The following GPC6 variants were observed in gnomAD, a reference collection of about 807,000 sequenced individuals.
The protein encoded by GPC6 is glypican-6.
In GPC6, 14 loss-of-function variants were observed where a neutral mutation model predicts 55.2. The observed-to-expected ratio is 0.25, with a 90% CI of 0.17 to 0.40. The LOEUF (loss-of-function observed/expected upper bound fraction) is 0.40, where lower values mean the gene tolerates loss of function less well. Ranked by LOEUF, GPC6 falls within the 10% of genes least tolerant of loss-of-function variation. GPC6 has a pLI of 1.00. For missense variants in GPC6, 641 were observed against 708.5 expected (o/e 0.90, Z 1.08); for synonymous variants, 278 against 259.6 (o/e 1.07, Z -0.68).
In GPC6 at chr13:94,045,283, T is replaced by A. The variant is rs8002707; in HGVS notation, c.877+17389T>A. On this transcript the variant is annotated intron_variant, in intron 4 of 8. Transcript: ENST00000377047. ...GATAGACCATAAAAAGCAAGTAGGA[T>A]ATTGAAAATAAATATTTTGGGAGCT... 9.8e-3 allele frequency among the ~76,000 whole-genome samples: 1,490 copies of A among 152,004 alleles called. 28 individuals carry two copies. Among genetic ancestry groups the A allele is most frequent in the African/African-American group, 0.033 (1,388 of 41,518 alleles).
At chr13:93,692,445 A>G (rs1257915518) in intron 2 of GPC6, among the ~76,000 whole-genome samples, 1 of 152,118 alleles carries the variant, frequency 6.6e-6, no homozygotes, top group Non-Finnish European at 1.5e-5. Context: ...TACATTGACA[A>G]TGAAATGGAA....
intron 3 of GPC6, among the ~76,000 whole-genome samples, chr13:93,831,615 G>GT (rs1887500148): frequency 6.6e-6 from 1 of 151,010 alleles, no homozygotes; most frequent in Admixed American, 6.6e-5. Flanking sequence ...TAAAGATGGT[G>GT]TGTACCCTTA....
chr13:93,458,410 G>A (rs1352178890), intron 1 of GPC6, among the ~76,000 whole-genome samples: 1 of 151,828 alleles, frequency 6.6e-6, no homozygotes, highest in Non-Finnish European at 1.5e-5. Context: ...TACCTTCCCT[G>A]CACTTTATGA....
chr13:93,988,238 A>C (rs751296846), intron 3 of GPC6, among the ~76,000 whole-genome samples: 1 of 152,032 alleles, frequency 6.6e-6, no homozygotes. Context: ...TTACATTTGG[A>C]AAGTTTTGGG....
chr13:94,211,862 A>G (rs1481121830), intron 4 of GPC6, among the ~76,000 whole-genome samples: 1 of 152,226 alleles, frequency 6.6e-6, no homozygotes, highest in African/African-American at 2.4e-5. Context: ...CCAATATGGC[A>G]CATAATTCTG....
chr13:93,855,054 T>A (rs1227913530), intron 3 of GPC6, among the ~76,000 whole-genome samples: 2 of 151,630 alleles, frequency 1.3e-5, no homozygotes, highest in Non-Finnish European at 3.0e-5. Flanking sequence ...GGACCATAGT[T>A]TACATTAGGT....
intron 2 of GPC6, among the ~76,000 whole-genome samples, chr13:93,732,575 C>T (rs1883865336): frequency 6.6e-6 from 1 of 152,120 alleles, no homozygotes; most frequent in Non-Finnish European, 1.5e-5. Flanking sequence ...CAGCAAGCAG[C>T]AGAGTATCTT....
intron 3 of GPC6, among the ~76,000 whole-genome samples, chr13:93,852,504 C>A (rs190740293): frequency 2.0e-5 from 3 of 151,774 alleles, no homozygotes; most frequent in African/African-American, 7.2e-5. Context: ...CAGGACTTAG[C>A]AATTTGTGGT....
chr13:93,224,496 G>C (rs1330905994), upstream of GPC6, among the ~76,000 whole-genome samples: 1 of 152,136 alleles, frequency 6.6e-6, no homozygotes, highest in Admixed American at 6.5e-5. Flanking sequence ...GCCTGGCCTC[G>C]TTTGCTTCCT....
At chr13:94,070,889 C>G (rs1370594671) in intron 4 of GPC6, among the ~76,000 whole-genome samples, 1 of 152,182 alleles carries the variant, frequency 6.6e-6, no homozygotes, top group East Asian at 1.9e-4. Context: ...CATCACTGAG[C>G]AATTATACCA....
chr13:93,969,290 C>T (rs1880183530), intron 3 of GPC6, among the ~76,000 whole-genome samples: 2 of 152,126 alleles, frequency 1.3e-5, no homozygotes, highest in Admixed American at 1.3e-4. Flanking sequence ...TGTGATGGGG[C>T]TTTAGAAAAA....
intron 2 of GPC6, among the ~76,000 whole-genome samples, chr13:93,710,811 T>G (rs2138808190): frequency 6.6e-6 from 1 of 151,864 alleles, no homozygotes; most frequent in South Asian, 2.1e-4. Context: ...AAAATTAAAC[T>G]AGCCTATTTT....
intron 1 of GPC6, among the ~76,000 whole-genome samples, chr13:93,339,842 TA>T (rs1464664520): frequency 6.6e-6 from 1 of 152,086 alleles, no homozygotes; most frequent in Non-Finnish European, 1.5e-5. Context: ...GTTGGGAGTT[TA>T]AGAAAATTAC....
intron 4 of GPC6, among the ~76,000 whole-genome samples, chr13:94,076,047 A>G (rs1884901486): frequency 6.6e-6 from 1 of 151,910 alleles, no homozygotes; most frequent in Non-Finnish European, 1.5e-5. Flanking sequence ...ACTGCTTTTC[A>G]TAGTAGCTGT....
intron 2 of GPC6, among the ~76,000 whole-genome samples, chr13:93,762,390 G>C (rs1884983053): frequency 1.3e-5 from 2 of 152,090 alleles, no homozygotes; most frequent in South Asian, 2.1e-4. Flanking sequence ...ATTCTCTCAG[G>C]AATCCCTCGG....
chr13:94,108,889 T>A (rs971150706), intron 4 of GPC6, among the ~76,000 whole-genome samples: 9 of 152,038 alleles, frequency 5.9e-5, no homozygotes, highest in African/African-American at 2.2e-4. Context: ...TTTAAAAGAT[T>A]CATATTTTTC....
intron 4 of GPC6, among the ~76,000 whole-genome samples, chr13:94,256,023 A>C (rs965849878): frequency 1.3e-5 from 2 of 152,152 alleles, no homozygotes; most frequent in African/African-American, 4.8e-5. Context: ...TGATATATGC[A>C]TATAAAAGGT....
At chr13:93,486,058 G>GCAAGAAAATTGTTGCATGAATGTGAC (rs1445987364) in intron 1 of GPC6, among the ~76,000 whole-genome samples, 7 of 152,162 alleles carry the variant, frequency 4.6e-5, no homozygotes, top group African/African-American at 1.7e-4. Flanking sequence ...AATAAGCCAA[G>GCAAGAAAATTGTTGCATGAATGTGAC]CAAGAAAATT....
chr13:94,164,430 G>A (rs539587784), intron 4 of GPC6, among the ~76,000 whole-genome samples: 1 of 152,262 alleles, frequency 6.6e-6, no homozygotes, highest in African/African-American at 2.4e-5. Context: ...TAATTGAAAG[G>A]TATTGTTATT....
Sources: gnomAD v4.1 joint callset for allele counts (sites outside exome capture counted in the v4.1 genomes callset) on GRCh38, gnomAD v4.1.1 for gene constraint, MANE v1.5 for transcripts, NCBI Gene and HGNC (gene_info 2026-07-23, HGNC 2026-07-21) for gene names.